TVP23C: variants seen among roughly 807,000 people sequenced by gnomAD.
TVP23C encodes Golgi apparatus membrane protein TVP23 homolog C.
TVP23C carries 19 observed loss-of-function variants against 28.7 expected under a neutral mutation model. The observed-to-expected ratio is 0.66, with a 90% CI of 0.46 to 0.97. The LOEUF (loss-of-function observed/expected upper bound fraction) is 0.97, where lower values mean the gene tolerates loss of function less well. TVP23C is among the 50% of genes least tolerant of loss of function. TVP23C has a pLI of 0.00. For missense variants in TVP23C, 186 were observed against 241.3 expected (o/e 0.77, Z 1.52); for synonymous variants, 68 against 81.7 (o/e 0.83, Z 0.90).
chr17:15,543,621 T>C (rs1983517205), intron 5 of TVP23C, among the ~76,000 whole-genome samples: 1 of 151,260 alleles, frequency 6.6e-6, no homozygotes, highest in East Asian at 1.9e-4. Context: ...AAATAGTTAC[T>C]GTTCTCTCCT....
chr17:15,502,294 T>TG (rs3217034), exon 6 of TVP23C: 17,968 of 71,380 alleles, frequency 0.25, 1,128 homozygotes, highest in African/African-American at 0.32. Context: ...TAATGGGGGG[T>TG]GGGGGGGCAC....
chr17:15,523,901 C>CCG (rs1382025452), intron 5 of TVP23C, among the ~76,000 whole-genome samples: 1 of 152,248 alleles, frequency 6.6e-6, no homozygotes, highest in Non-Finnish European at 1.5e-5. Flanking sequence ...GCGTGAGCCA[C>CCG]CGCGCCCAGC....
At chr17:15,506,947 A>G (rs1981777720) in intron 5 of TVP23C, 11 of 1,204,494 alleles carry the variant, frequency 9.1e-6, no homozygotes, top group Non-Finnish European at 1.3e-5. Flanking sequence ...GTTTGCAAAC[A>G]AGATTCCAAA....
At chr17:15,552,158 A>G (rs1455110698) in intron 3 of TVP23C, among the ~76,000 whole-genome samples, 2 of 152,246 alleles carry the variant, frequency 1.3e-5, no homozygotes, top group East Asian at 3.8e-4. Flanking sequence ...CTATTTGGCT[A>G]AACAGAAATT....
At chr17:15,556,508 C>T (rs559688166) in intron 1 of TVP23C, among the ~76,000 whole-genome samples, 6 of 151,968 alleles carry the variant, frequency 3.9e-5, no homozygotes, top group South Asian at 2.1e-4. Flanking sequence ...ACTACAGGCG[C>T]GTGCCACCAT....
At chr17:15,504,455 G>C (rs766794529) in intron 5 of TVP23C, among the ~76,000 whole-genome samples, 2 of 152,188 alleles carry the variant, frequency 1.3e-5, no homozygotes, top group African/African-American at 2.4e-5. Flanking sequence ...TGCTGGAAGA[G>C]AAGAGCTGCG....
At chr17:15,525,771 T>C (rs1303638656) in intron 5 of TVP23C, among the ~76,000 whole-genome samples, 2 of 152,098 alleles carry the variant, frequency 1.3e-5, no homozygotes, top group Non-Finnish European at 2.9e-5. Context: ...AGGTGTATGA[T>C]TGGGGAAACT....
chr17:15,516,098 T>A (rs1413786234), intron 5 of TVP23C, among the ~76,000 whole-genome samples: 1 of 152,222 alleles, frequency 6.6e-6, no homozygotes, highest in East Asian at 1.9e-4. Context: ...TTCTCATGCT[T>A]CCTGTACAGC....
At chr17:15,502,689 G>C (rs1255091744) in exon 6 of TVP23C, 4 of 1,109,682 alleles carry the variant, frequency 3.6e-6, no homozygotes, top group Non-Finnish European at 4.8e-6. Context: ...AGTTTTACAA[G>C]TTCCCTGTTC....
chr17:15,502,809 CCTCT>C (rs57432478), exon 6 of TVP23C: 663,742 of 1,411,092 alleles, frequency 0.47, 121,860 homozygotes, highest in Non-Finnish European at 0.51. Flanking sequence ...TCCTCTCTCT[CCTCT>C]CTCTCTCTCT....
At chr17:15,556,408 CTGG>C (rs1984133845) in intron 1 of TVP23C, among the ~76,000 whole-genome samples, 1 of 143,572 alleles carries the variant, frequency 7.0e-6, no homozygotes, top group South Asian at 2.2e-4. Flanking sequence ...GTCGCTCAGG[CTGG>C]AGTGCAGTGG....
chr17:15,507,833 C>T (rs1314368985), intron 5 of TVP23C, among the ~76,000 whole-genome samples: 5 of 151,498 alleles, frequency 3.3e-5, no homozygotes, highest in Admixed American at 3.3e-4. Context: ...AGCGAGACTC[C>T]ATCTCAAAAA....
intron 1 of TVP23C, among the ~76,000 whole-genome samples, chr17:15,555,986 G>A (rs1235041262): frequency 1.3e-5 from 2 of 152,190 alleles, no homozygotes; most frequent in Non-Finnish European, 2.9e-5. Context: ...GCACGATCTT[G>A]GCTCACTGCA....
intron 1 of TVP23C, among the ~76,000 whole-genome samples, chr17:15,558,223 G>A (rs1984219396): frequency 6.9e-6 from 1 of 145,092 alleles, no homozygotes; most frequent in African/African-American, 2.5e-5. Flanking sequence ...GCCATCCAGC[G>A]GCCAGGGAGA....
chr17:15,512,632 C>T (rs1470429590), intron 5 of TVP23C, among the ~76,000 whole-genome samples: 1 of 152,206 alleles, frequency 6.6e-6, no homozygotes, highest in Non-Finnish European at 1.5e-5. Flanking sequence ...CTCTGCTTTG[C>T]ATATTGCTGG....
intron 1 of TVP23C, chr17:15,562,462 C>T (rs1223228875): frequency 6.6e-6 from 1 of 152,022 alleles, no homozygotes; most frequent in African/African-American, 2.4e-5. Context: ...CATGATCCAC[C>T]CACCTCGTCC....
At chr17:15,530,017 T>C (rs1042432623) in intron 5 of TVP23C, among the ~76,000 whole-genome samples, 1 of 152,206 alleles carries the variant, frequency 6.6e-6, no homozygotes, top group African/African-American at 2.4e-5. Flanking sequence ...CAGGCTGGTC[T>C]TGAACTCCTG....
chr17:15,524,417 G>C (rs1982632507), intron 5 of TVP23C, among the ~76,000 whole-genome samples: 1 of 152,082 alleles, frequency 6.6e-6, no homozygotes. Flanking sequence ...TTGTTTCCAG[G>C]CTATGCTGTA....
chr17:15,523,613 ATTTT>A (rs757429635), intron 5 of TVP23C, among the ~76,000 whole-genome samples: 3 of 136,516 alleles, frequency 2.2e-5, no homozygotes, highest in Non-Finnish European at 3.2e-5. Context: ...TGGCTGGAAG[ATTTT>A]TTTTTTTTCT....
Sources: gnomAD v4.1 joint callset for allele counts (sites outside exome capture counted in the v4.1 genomes callset) on GRCh38, gnomAD v4.1.1 for gene constraint, MANE v1.5 for transcripts, NCBI Gene and HGNC (gene_info 2026-07-23, HGNC 2026-07-21) for gene names.